MAN1A1: variants seen among roughly 807,000 people sequenced by gnomAD.
MAN1A1 encodes the protein mannosidase alpha class 1A member 1.
A neutral mutation model predicts 70.8 loss-of-function variants in MAN1A1; 29 were observed. The ratio of observed to expected loss-of-function variants is 0.41; its 90% CI spans 0.31 to 0.56. The LOEUF is 0.56. Ranked by LOEUF, MAN1A1 falls within the 20% of genes least tolerant of loss-of-function variation. MAN1A1 has a pLI of 0.29. For missense variants in MAN1A1, 747 were observed against 841.3 expected, an observed-to-expected ratio of 0.89 and a Z score of 1.39; for synonymous variants, 349 against 330.1, an observed-to-expected ratio of 1.06 and a Z score of -0.62.
intron 8 of MAN1A1, among the ~76,000 whole-genome samples, chr6:119,198,271 T>TC (rs1160138834): frequency 1.3e-5 from 2 of 152,168 alleles, no homozygotes; most frequent in Non-Finnish European, 2.9e-5. Flanking sequence ...ATGCCTGTAG[T>TC]CCCAGCTACT....
intron 5 of MAN1A1, among the ~76,000 whole-genome samples, chr6:119,271,485 T>C (rs1360326368): frequency 3.3e-5 from 5 of 152,108 alleles, no homozygotes; most frequent in Admixed American, 3.3e-4. Flanking sequence ...AATACAATGA[T>C]TATTTCAAGT....
At chr6:119,189,255 T>C (rs1317904216) in intron 10 of MAN1A1, among the ~76,000 whole-genome samples, 1 of 152,192 alleles carries the variant, frequency 6.6e-6, no homozygotes, top group Non-Finnish European at 1.5e-5. Context: ...GGCCAGTTAT[T>C]TACACTTTGT....
At chr6:119,279,467 T>G (rs956328776) in intron 5 of MAN1A1, among the ~76,000 whole-genome samples, 3 of 152,222 alleles carry the variant, frequency 2.0e-5, no homozygotes, top group East Asian at 3.8e-4. Flanking sequence ...CATCATACGT[T>G]TATAAGGATT....
chr6:119,218,890 T>C (rs1774279957), intron 6 of MAN1A1, among the ~76,000 whole-genome samples: 1 of 152,176 alleles, frequency 6.6e-6, no homozygotes, highest in Non-Finnish European at 1.5e-5. Context: ...TTTTAATTAA[T>C]CTTTCTTAAA....
chr6:119,190,200 T>C (rs1773405480), intron 9 of MAN1A1, among the ~76,000 whole-genome samples: 3 of 152,308 alleles, frequency 2.0e-5, no homozygotes, highest in African/African-American at 7.2e-5. Context: ...GCAGCAGTAA[T>C]AGTTGGTTTG....
In MAN1A1 at chr6:119,349,289, T is replaced by G; in HGVS notation, c.-222-2A>C. 3.3e-6 allele frequency: 4 copies of G among 1,208,026 alleles called. No individual in the cohort carries two copies. The highest frequency in any genetic ancestry group is 4.1e-6 in the Non-Finnish European group (4 of 973,376). The allele number at this position is 1,208,026 out of a possible 1,614,324, so 74.8% of individuals were successfully genotyped here. On this transcript the variant is annotated splice_acceptor_variant, in intron 1 of 12. Transcript: ENST00000368468. LOFTEE classifies it low-confidence loss of function (5UTR_SPLICE). ...GCGACAGACCGCTGGCTGCAGCCCCTGCGGGGAGAGAAACAGTAAAACGTA... is the reference window on the plus strand; with the variant it reads ...GCGACAGACCGCTGGCTGCAGCCCCGGCGGGGAGAGAAACAGTAAAACGTA...
intron 5 of MAN1A1, among the ~76,000 whole-genome samples, chr6:119,259,168 T>A (rs1194367508): frequency 6.6e-6 from 1 of 152,186 alleles, no homozygotes; most frequent in African/African-American, 2.4e-5. Flanking sequence ...AGCTATCAGT[T>A]CATTACAATG....
rs537695853 is a variant in MAN1A1, at chr6:119,345,972, G to A, written c.603+2491C>T. On this transcript the variant is annotated intron_variant, in intron 2 of 12. Coordinates refer to ENST00000368468, the MANE Select transcript of MAN1A1 (RefSeq NM_005907.4). ...AATACAAAAATTAGCTGGGTGTGGT[G>A]GCACGTGCCTGTAATCCCAGCTACT... is the stretch of plus-strand genomic sequence containing the variant. Among the ~76,000 whole-genome samples the A allele has an allele frequency of 6.6e-5, 10 of 152,278 alleles. No homozygotes were observed. In the South Asian group the frequency reaches 2.1e-3, roughly 32 times the overall value.
intron 7 of MAN1A1, 63 bp downstream of exon 7, chr6:119,204,696 C>T: frequency 6.3e-7 from 1 of 1,578,328 alleles, no homozygotes; most frequent in Middle Eastern, 1.7e-4. Context: ...TAAACCTTCT[C>T]AGAGACAATA....
intron 4 of MAN1A1, among the ~76,000 whole-genome samples, chr6:119,299,533 G>A (rs1355744102): frequency 4.6e-5 from 7 of 151,606 alleles, no homozygotes; most frequent in African/African-American, 1.7e-4. Flanking sequence ...TCATTAACAG[G>A]CCTAAAATAT....
At position 119,311,253 on chromosome 6, in the gene MAN1A1, T is replaced by C. The variant is rs10485000; in HGVS notation, c.604-4261A>G. Among the ~76,000 whole-genome samples, 901 of 152,340 alleles carry C rather than the reference T, an allele frequency of 5.9e-3. 31 individuals are homozygous for C. The East Asian group carries it at 0.09, about 15-fold the overall frequency. On this transcript the variant is annotated intron_variant, in intron 2 of 12. Transcript: ENST00000368468. ...CTAAGAATGTCTGTGATCTTTGCAA[T>C]CTAAAAGAGCTTCATAATTTTTCCT...
At position 119,345,170 on chromosome 6, in the gene MAN1A1, T is replaced by C. The variant is rs537165229; in HGVS notation, c.603+3293A>G. On this transcript the variant is annotated intron_variant, in intron 2 of 12. Coordinates refer to ENST00000368468, the MANE Select transcript of MAN1A1 (RefSeq NM_005907.4). Reference sequence around the variant, plus strand: ...AATCCTAAAGGACAGCACAGGCTAATTGAGAAAATGGGAGAGGTTGAGGGG... The same window carrying C: ...AATCCTAAAGGACAGCACAGGCTAACTGAGAAAATGGGAGAGGTTGAGGGG... Among the ~76,000 whole-genome samples the C allele has an allele frequency of 5.3e-4, 70 of 133,066 alleles. 1 individual carries two copies. The highest frequency in any genetic ancestry group is 1.7e-3 in the African/African-American group (58 of 33,618). The allele number at this position is 133,066 out of a possible 152,430, so 87.3% of individuals were successfully genotyped here.
chr6:119,339,252 C>T (rs988068953), intron 2 of MAN1A1, among the ~76,000 whole-genome samples: 7 of 152,128 alleles, frequency 4.6e-5, no homozygotes, highest in Non-Finnish European at 7.3e-5. Flanking sequence ...CAATTTATTT[C>T]CCCTCTTAAG....
At chr6:119,328,514 GTAAGTAGGT>G (rs1257294274) in intron 2 of MAN1A1, among the ~76,000 whole-genome samples, 1 of 151,686 alleles carries the variant, frequency 6.6e-6, no homozygotes, top group Non-Finnish European at 1.5e-5. Flanking sequence ...TAAGAAAGTA[GTAAGTAGGT>G]TAAAACAAAG....
Position 119,252,086 on chromosome 6 carries a change from G to T in MAN1A1, c.898-3732C>A, listed in dbSNP as rs1036246571. On this transcript the variant is annotated intron_variant, in intron 5 of 12. Transcript: ENST00000368468. ...TATTTTATTTGCTTGTTTATTGTTT[G>T]ATAACTCCACTAGATACGATCTCAA... Among the ~76,000 whole-genome samples the T allele has an allele frequency of 1.7e-4, 26 of 151,996 alleles. 1 individual carries two copies. The highest frequency in any genetic ancestry group is 6.3e-4 in the African/African-American group (26 of 41,370).
In MAN1A1 at chr6:119,271,665, AT is replaced by A. The variant is rs776216600; in HGVS notation, c.897+19017del. The stretch of plus-strand genomic sequence containing the variant: ...CAGGCATGCACCACTACACCTAGCT[AT>A]TTTTTTTTTGTATTTTTAGTAGAGA... On this transcript the variant is annotated intron_variant, in intron 5 of 12. Coordinates refer to ENST00000368468, the MANE Select transcript of MAN1A1 (RefSeq NM_005907.4). 1.3e-4 allele frequency among the ~76,000 whole-genome samples: 20 copies of A among 149,080 alleles called. No individual in the cohort carries two copies. The Middle Eastern group carries it at 0.01, about 78-fold the overall frequency.
intron 5 of MAN1A1, among the ~76,000 whole-genome samples, chr6:119,278,971 CT>C (rs1776155716): frequency 6.6e-6 from 1 of 152,128 alleles, no homozygotes; most frequent in Non-Finnish European, 1.5e-5. Context: ...ATAAATCTCT[CT>C]TCTTTATAAA....
chr6:119,316,183 T>TG (rs1307395158), intron 2 of MAN1A1, among the ~76,000 whole-genome samples: 5 of 150,106 alleles, frequency 3.3e-5, no homozygotes, highest in African/African-American at 1.2e-4. Flanking sequence ...GGGTTTTTTT[T>TG]TTTTTTTTTT....
intron 6 of MAN1A1, among the ~76,000 whole-genome samples, chr6:119,215,241 T>C (rs1774168107): frequency 6.6e-6 from 1 of 152,038 alleles, no homozygotes; most frequent in Non-Finnish European, 1.5e-5. Flanking sequence ...TACTAATCAT[T>C]CTCATTTTAT....
Sources: gnomAD v4.1 joint callset for allele counts (sites outside exome capture counted in the v4.1 genomes callset) on GRCh38, gnomAD v4.1.1 for gene constraint, MANE v1.5 for transcripts, NCBI Gene and HGNC (gene_info 2026-07-23, HGNC 2026-07-21) for gene names.